PTH1R: variants seen among roughly 807,000 people sequenced by gnomAD.
PTH1R encodes parathyroid hormone/parathyroid hormone-related peptide receptor.
In PTH1R, 32 loss-of-function variants were observed where a neutral mutation model predicts 70.7. That is an observed-to-expected ratio of 0.45 (90% CI 0.34 to 0.61). The LOEUF is 0.61. PTH1R is among the 20% of genes least tolerant of loss of function. The pLI is 0.01. For synonymous variants in PTH1R, 329 were observed against 324.8 expected (o/e 1.01, Z -0.14); for missense variants, 626 against 792.5 (o/e 0.79, Z 2.52).
chr3:46,894,028 G>A lies in PTH1R; in HGVS notation c.178+19G>A, dbSNP rs2031588035. 6.2e-7 allele frequency: 1 copy of A among 1,612,682 alleles called. No homozygotes were observed. The highest frequency in any genetic ancestry group is 1.1e-5 in the South Asian group (1 of 90,954). Reference sequence around the variant, plus strand: ...AGGCCAGGTGGGGGTCAAAGGAAGAGGGTCTGGGGATGAGGTCAGGTGAGG... The same window carrying A: ...AGGCCAGGTGGGGGTCAAAGGAAGAAGGTCTGGGGATGAGGTCAGGTGAGG... On this transcript the variant is annotated intron_variant, in intron 4 of 15. Transcript: ENST00000449590.
chr3:46,892,634 C>A lies in PTH1R; in HGVS notation c.76-1273C>A. ...TCTCCCTGCAGCCAGGCTCTCTGACCCGGCCTGCCCGCCCCTCTCGCCGGT... is the reference window on the plus strand; with the variant it reads ...TCTCCCTGCAGCCAGGCTCTCTGACACGGCCTGCCCGCCCCTCTCGCCGGT... On this transcript the variant is annotated intron_variant, in intron 3 of 15. Transcript: ENST00000449590. This position sits in a 1 kb window ranked among gnomAD's most constrained non-coding sequence, Gnocchi z 5.2. 1 of 637,272 alleles carries A rather than the reference C, an allele frequency of 1.6e-6. No homozygotes were observed. The highest frequency in any genetic ancestry group is 2.0e-6 in the Non-Finnish European group (1 of 510,340). The allele number at this position is 637,272 out of a possible 1,614,324, so 39.5% of individuals were successfully genotyped here.
intron 5 of PTH1R, 129 bp downstream of exon 5, chr3:46,895,998 C>CTTGCCTGGGG: frequency 8.1e-7 from 1 of 1,230,838 alleles, no homozygotes; most frequent in Non-Finnish European, 1.2e-6. Context: ...GCCACATCCC[C>CTTGCCTGGGG]AGGCAAGGGG....
chr3:46,878,642 G>A (rs1262947674), intron 1 of PTH1R, among the ~76,000 whole-genome samples: 1 of 152,178 alleles, frequency 6.6e-6, no homozygotes, highest in Non-Finnish European at 1.5e-5. Flanking sequence ...GGAAGGCCAG[G>A]CTGCATTGCT....
rs138339848 is a variant in PTH1R at position 46,897,916 on chromosome 3, G to A, written c.375G>A (p.Glu125=). 3.4e-4 allele frequency: 556 copies of A among 1,614,136 alleles called. 1 individual carries two copies. In the East Asian group the frequency reaches 8.6e-3, roughly 25 times the overall value. ...ILCWPLGAPG[E]VVAVPCPDYI... is the part of the protein sequence containing the mutation. ...GCTGGCCGCTGGGGGCACCAGGTGA[G>A]GTGGTGGCTGTGCCCTGTCCGGACT... Residue 125 remains glutamate (E), a synonymous_variant, in exon 6 of 16, where the codon GAG becomes GAA. Transcript: ENST00000449590.
chr3:46,892,348 G>T lies in PTH1R; in HGVS notation c.76-1559G>T, dbSNP rs1367967775. ...TATGCCCAGAAATACATGTGCACGTGCATGCTCACAAACACGTCCGGCTCG... is the reference window on the plus strand; with the variant it reads ...TATGCCCAGAAATACATGTGCACGTTCATGCTCACAAACACGTCCGGCTCG... On this transcript the variant is annotated intron_variant, in intron 3 of 15. Coordinates refer to ENST00000449590, the MANE Select transcript of PTH1R (RefSeq NM_000316.3). The surrounding 1 kb of genome is among the most constrained non-coding windows in gnomAD (Gnocchi z 5.2). 6.6e-6 allele frequency among the ~76,000 whole-genome samples: 1 copy of T among 152,198 alleles called. No individual in the cohort carries two copies. Among genetic ancestry groups the T allele is most frequent in the Non-Finnish European group, 1.5e-5 (1 of 68,028 alleles).
At position 46,895,873 on chromosome 3, in the gene PTH1R, C is replaced by T. The variant is rs200207404; in HGVS notation, c.313+4C>T. The T allele has an allele frequency of 1.0e-3, 1,619 of 1,612,414 alleles. 2 individuals carry two copies. Among genetic ancestry groups the T allele is most frequent in the Non-Finnish European group, 1.3e-3 (1,546 of 1,179,778 alleles). On this transcript the variant is annotated splice_donor_region_variant and intron_variant, in intron 5 of 15. Transcript: ENST00000449590. ...CCCACTGGCAGCAGGTACCGAGGTA[C>T]GTCTCTGCTTCCATGCATCCAGCTG... is the stretch of plus-strand genomic sequence containing the variant.
Position 46,902,896 on chromosome 3 carries a change from C to T in PTH1R, c.1395+106C>T, listed in dbSNP as rs775567772. 1 of 1,461,174 alleles carries T rather than the reference C, an allele frequency of 6.8e-7. No homozygotes were observed. The highest frequency in any genetic ancestry group is 1.1e-5 in the South Asian group (1 of 87,612). The allele number at this position is 1,461,174 out of a possible 1,614,324, so 90.5% of individuals were successfully genotyped here. ...TCCACCCTGTTATTTCTTTGTTCCTCCAAGAACACCCCTGAGGACATTCTG... is the reference window on the plus strand; with the variant it reads ...TCCACCCTGTTATTTCTTTGTTCCTTCAAGAACACCCCTGAGGACATTCTG... On this transcript the variant is annotated intron_variant, in intron 15 of 15. Coordinates refer to ENST00000449590, the MANE Select transcript of PTH1R (RefSeq NM_000316.3). The surrounding 1 kb of genome is among the most constrained non-coding windows in gnomAD (Gnocchi z 5.4).
chr3:46,887,458 A>G (rs1363161039), intron 3 of PTH1R, among the ~76,000 whole-genome samples: 13 of 144,646 alleles, frequency 9.0e-5, no homozygotes, highest in African/African-American at 2.0e-4. Flanking sequence ...CTGTCTCTGA[A>G]AAAAAAAAAA....
chr3:46,898,511 A>T, intron 8 of PTH1R, 39 bp downstream of exon 8: 6 of 1,477,330 alleles, frequency 4.1e-6, no homozygotes, highest in Non-Finnish European at 5.7e-6. Context: ...GACATGGTGG[A>T]GGGGGGGCGG....
Position 46,898,098 on chromosome 3 carries a change from G to C in PTH1R, c.449G>C (p.Arg150Pro). Residue 150 changes from arginine to proline, a missense_variant, in exon 7 of 16, where the codon CGC becomes CCC. Arg to Pro is a moderately radical substitution (Grantham distance 103, BLOSUM62 -2). Transcript: ENST00000449590. ...GGCCATGCCTACCGACGCTGTGACC[G>C]CAATGGCAGCTGGGAGCTGGTGCCT... ...HKGHAYRRCD[R>P]NGSWELVPGH... The C allele has an allele frequency of 6.2e-7, 1 of 1,614,210 alleles. No individual in the cohort carries two copies. Among genetic ancestry groups the C allele is most frequent in the Non-Finnish European group, 8.5e-7 (1 of 1,180,032 alleles).
In PTH1R at chr3:46,903,647, A is replaced by G. The variant is rs900938606; in HGVS notation, c.1773A>G (p.Thr591=). The G allele has an allele frequency of 1.9e-6, 3 of 1,609,690 alleles. No individual in the cohort carries two copies. The highest frequency in any genetic ancestry group is 2.5e-6 in the Non-Finnish European group (3 of 1,180,014). Reference sequence around the variant, plus strand: ...CCCTGCTACAGGAAGAGTGGGAGACAGTCATGTGACCAGGCGCTGGGGGCT... The same window carrying G: ...CCCTGCTACAGGAAGAGTGGGAGACGGTCATGTGACCAGGCGCTGGGGGCT... ...PPALLQEEWE[T]VM is the part of the protein sequence containing the mutation. The change falls in exon 16 of 16, where the codon ACA becomes ACG. Residue 591 remains threonine (T), a synonymous_variant. Transcript: ENST00000449590. The surrounding 1 kb of genome is among the most constrained non-coding windows in gnomAD (Gnocchi z 4.4).
intron 9 of PTH1R, 99 bp downstream of exon 9, chr3:46,898,956 T>A: frequency 1.1e-6 from 1 of 893,172 alleles, no homozygotes; most frequent in Non-Finnish European, 1.6e-6. Context: ...GCCCGCCTCC[T>A]GCCAGCGCCA....
chr3:46,902,471 A>AT lies in PTH1R; in HGVS notation c.1212-54dup. ...GGCTCGCAGGGTGGGGGGTGGCACAATGCTTGTTGAAGGGGAAGTGGCTTG... is the reference window on the plus strand; with the variant it reads ...GGCTCGCAGGGTGGGGGGTGGCACAATTGCTTGTTGAAGGGGAAGTGGCTTG... On this transcript the variant is annotated intron_variant, in intron 13 of 15. Coordinates refer to ENST00000449590, the MANE Select transcript of PTH1R (RefSeq NM_000316.3). This position sits in a 1 kb window ranked among gnomAD's most constrained non-coding sequence, Gnocchi z 5.4. 1 of 1,598,860 alleles carries AT rather than the reference A, an allele frequency of 6.3e-7. No individual in the cohort carries two copies. The highest frequency in any genetic ancestry group is 8.5e-7 in the Non-Finnish European group (1 of 1,173,702).
chr3:46,899,262 G>A, intron 9 of PTH1R, 41 bp from the exon 10 acceptor site: 1 of 1,613,212 alleles, frequency 6.2e-7, no homozygotes. Flanking sequence ...ACTTCCCGGA[G>A]GCAGGCCCTG....
In PTH1R at chr3:46,883,468, G is replaced by A; in HGVS notation, c.-48-44G>A. On this transcript the variant is annotated intron_variant, in intron 2 of 15. Transcript: ENST00000449590. The surrounding 1 kb of genome is among the most constrained non-coding windows in gnomAD (Gnocchi z 6.4). ...GGTCCCATAGGCCGGGGCGTGGGCG[G>A]GGCGGCCAGCCTGACGCAGCTCTGC... is the stretch of plus-strand genomic sequence containing the variant. 8.9e-7 allele frequency: 1 copy of A among 1,121,498 alleles called. No homozygotes were observed. The highest frequency in any genetic ancestry group is 1.1e-6 in the Non-Finnish European group (1 of 882,730). 69.5% of individuals were successfully genotyped at this position (1,121,498 alleles called of 1,614,324 possible).
Position 46,903,129 on chromosome 3 carries a change from G to A in PTH1R, c.1396-141G>A, listed in dbSNP as rs2032228715. The A allele has an allele frequency of 1.2e-5, 18 of 1,464,558 alleles. No homozygotes were observed. Among genetic ancestry groups the A allele is most frequent in the Non-Finnish European group, 1.7e-5 (18 of 1,076,726 alleles). 90.7% of individuals were successfully genotyped at this position (1,464,558 alleles called of 1,614,324 possible). On this transcript the variant is annotated intron_variant, in intron 15 of 15. Coordinates refer to ENST00000449590, the MANE Select transcript of PTH1R (RefSeq NM_000316.3). The surrounding 1 kb of genome is among the most constrained non-coding windows in gnomAD (Gnocchi z 4.4). ...CCTGTAGCCAAACACCCTGTTGTGA[G>A]GATGGGATTTCACTTGGCCTTGGAG... is the stretch of plus-strand genomic sequence containing the variant.
intron 4 of PTH1R, 94 bp from the exon 5 acceptor site, chr3:46,895,641 C>T (rs2031705599): frequency 6.3e-7 from 1 of 1,592,250 alleles, no homozygotes; most frequent in Non-Finnish European, 8.6e-7. Flanking sequence ...ACAACCCCCC[C>T]ATTGTACAAA....
chr3:46,888,947 A>G (rs903626500), intron 3 of PTH1R, among the ~76,000 whole-genome samples: 1 of 152,226 alleles, frequency 6.6e-6, no homozygotes, highest in Admixed American at 6.5e-5. Flanking sequence ...TGTTCAGGAA[A>G]GCCTGGCGAA....
chr3:46,886,186 C>T (rs1575510222), intron 3 of PTH1R, among the ~76,000 whole-genome samples: 1 of 152,214 alleles, frequency 6.6e-6, no homozygotes, highest in East Asian at 1.9e-4. Context: ...AGCATGTACA[C>T]ATGTGGAGGA....
Sources: allele counts gnomAD v4.1 joint callset (sites outside exome capture counted in the v4.1 genomes callset), GRCh38; gene constraint gnomAD v4.1.1; non-coding constraint Gnocchi (gnomAD v3.1); transcripts MANE v1.5; gene names NCBI Gene and HGNC (gene_info 2026-07-23, HGNC 2026-07-21).